The following TAFA5 variants were observed in gnomAD, a reference collection of about 807,000 sequenced individuals.
The protein encoded by TAFA5 is chemokine-like protein TAFA-5.
TAFA5 carries 6 observed loss-of-function variants against 15.3 expected under a neutral mutation model. The observed-to-expected ratio is 0.39, with a 90% CI of 0.21 to 0.77. The LOEUF is 0.77. Among genes scored for constraint, TAFA5 ranks in the 30% least tolerant of loss-of-function variants. The pLI is 0.41. For missense variants in TAFA5, 161 were observed against 193.1 expected, an observed-to-expected ratio of 0.83 and a Z score of 0.98; for synonymous variants, 103 against 80.7, an observed-to-expected ratio of 1.28 and a Z score of -1.48.
Position 48,625,481 on chromosome 22 carries a change from A to G in TAFA5, c.113-21116A>G, listed in dbSNP as rs545512793. On this transcript the variant is annotated intron_variant, in intron 1 of 3. Coordinates refer to ENST00000402357, the MANE Select transcript of TAFA5 (RefSeq NM_001082967.3). ...AAGTATCCGCGTATAGCACTATCGC[A>G]ATCATGAGTCTGTCCTACGGGAAGC... Among the ~76,000 whole-genome samples, 3 of 152,376 alleles carry G rather than the reference A, an allele frequency of 2.0e-5. No homozygotes were observed. In the South Asian group the frequency reaches 6.2e-4, roughly 32 times the overall value.
chr22:48,581,647 T>G (rs1240206773), intron 1 of TAFA5, among the ~76,000 whole-genome samples: 1 of 152,138 alleles, frequency 6.6e-6, no homozygotes, highest in African/African-American at 2.4e-5. Flanking sequence ...GGGGGCAACC[T>G]TCTTGGAAGG....
intron 1 of TAFA5, among the ~76,000 whole-genome samples, chr22:48,586,401 A>G (rs1488364984): frequency 6.6e-6 from 1 of 152,234 alleles, no homozygotes; most frequent in Non-Finnish European, 1.5e-5. Context: ...GCAGCATGAT[A>G]CCAGGCTAGT....
At chr22:48,747,114 C>G (rs559661464) in intron 3 of TAFA5, among the ~76,000 whole-genome samples, 6 of 152,202 alleles carry the variant, frequency 3.9e-5, no homozygotes, top group Non-Finnish European at 4.4e-5. Flanking sequence ...CCATTCCCGC[C>G]CGGCCCTGCC....
intron 2 of TAFA5, among the ~76,000 whole-genome samples, chr22:48,691,109 C>T (rs1284313000): frequency 6.6e-6 from 1 of 152,188 alleles, no homozygotes. Flanking sequence ...CCGGTGAAGT[C>T]CCTCCATACC....
intron 1 of TAFA5, among the ~76,000 whole-genome samples, chr22:48,634,030 T>C (rs1926343646): frequency 6.6e-6 from 1 of 151,720 alleles, no homozygotes; most frequent in African/African-American, 2.4e-5. Flanking sequence ...CTGCCCCCAC[T>C]GCCCTCAGCT....
chr22:48,744,191 G>T (rs1387053434), intron 3 of TAFA5, among the ~76,000 whole-genome samples: 1 of 152,116 alleles, frequency 6.6e-6, no homozygotes, highest in Non-Finnish European at 1.5e-5. Context: ...CTGGCTCCAT[G>T]ATGGCCCTTA....
chr22:48,688,844 T>C (rs534888122), intron 2 of TAFA5, among the ~76,000 whole-genome samples: 1 of 152,014 alleles, frequency 6.6e-6, no homozygotes, highest in African/African-American at 2.4e-5. Context: ...TATAAAAAAC[T>C]AGCCAGGTGT....
intron 2 of TAFA5, among the ~76,000 whole-genome samples, chr22:48,653,913 G>T (rs1467277887): frequency 1.3e-5 from 2 of 151,978 alleles, no homozygotes; most frequent in Non-Finnish European, 2.9e-5. Context: ...GATTTTTGAG[G>T]TGCTGTGGGG....
intron 3 of TAFA5, among the ~76,000 whole-genome samples, chr22:48,709,565 G>A (rs1785580922): frequency 6.6e-6 from 1 of 152,198 alleles, no homozygotes; most frequent in Admixed American, 6.5e-5. Context: ...TGGGAGGGAT[G>A]GGTGTGAAAG....
At chr22:48,688,394 C>CT (rs1928431194) in intron 2 of TAFA5, among the ~76,000 whole-genome samples, 2 of 152,268 alleles carry the variant, frequency 1.3e-5, no homozygotes, top group Admixed American at 1.3e-4. Flanking sequence ...GCAGATTTTT[C>CT]TTTTTTGAGT....
At chr22:48,535,396 A>G (rs541112725) in intron 1 of TAFA5, among the ~76,000 whole-genome samples, 1 of 152,380 alleles carries the variant, frequency 6.6e-6, no homozygotes, top group African/African-American at 2.4e-5. Context: ...GTCTGACTTC[A>G]GTATTACACG....
chr22:48,710,996 A>C (rs2147253735), intron 3 of TAFA5, among the ~76,000 whole-genome samples: 1 of 152,156 alleles, frequency 6.6e-6, no homozygotes, highest in Non-Finnish European at 1.5e-5. Context: ...GTGAGACCCC[A>C]AGTGGCTTTC....
At chr22:48,642,087 G>C (rs1033846376) in intron 1 of TAFA5, among the ~76,000 whole-genome samples, 14 of 151,818 alleles carry the variant, frequency 9.2e-5, no homozygotes, top group Middle Eastern at 3.2e-3. Flanking sequence ...CTTTTCTGAG[G>C]GGGGCAGCCT....
At chr22:48,584,199 C>T (rs1924232043) in intron 1 of TAFA5, among the ~76,000 whole-genome samples, 1 of 149,784 alleles carries the variant, frequency 6.7e-6, no homozygotes, top group East Asian at 2.0e-4. Flanking sequence ...ACACAAAATA[C>T]ACAACACACA....
chr22:48,583,036 C>G (rs1276492333), intron 1 of TAFA5, among the ~76,000 whole-genome samples: 1 of 148,054 alleles, frequency 6.8e-6, no homozygotes, highest in Non-Finnish European at 1.5e-5. Context: ...ATGCAAAATA[C>G]ACCACACACA....
chr22:48,548,759 A>C (rs1196564372), intron 1 of TAFA5, among the ~76,000 whole-genome samples: 1 of 152,240 alleles, frequency 6.6e-6, no homozygotes, highest in Non-Finnish European at 1.5e-5. Context: ...CGCAGGTGAG[A>C]GCGTGCATGA....
At chr22:48,747,820 G>A (rs763227258) in intron 3 of TAFA5, among the ~76,000 whole-genome samples, 1 of 151,348 alleles carries the variant, frequency 6.6e-6, no homozygotes, top group South Asian at 2.1e-4. Context: ...TCACTTGAAC[G>A]GGGGAGGCAG....
chr22:48,517,607 G>A (rs1401071336), intron 1 of TAFA5, among the ~76,000 whole-genome samples: 2 of 152,158 alleles, frequency 1.3e-5, no homozygotes, highest in African/African-American at 2.4e-5. Context: ...ACGGGCATCC[G>A]GGTTCTGATA....
intron 2 of TAFA5, among the ~76,000 whole-genome samples, chr22:48,685,966 TACACGCAGGCCCCACGTGC>T (rs1569078608): frequency 2.4e-4 from 33 of 134,760 alleles, no homozygotes; most frequent in African/African-American, 1.2e-3. Flanking sequence ...GCCCCGGGAG[TACACGCAGGCCCCACGTGC>T]GCCCCGGGAG....
Sources: allele counts gnomAD v4.1 joint callset (sites outside exome capture counted in the v4.1 genomes callset), GRCh38; gene constraint gnomAD v4.1.1; transcripts MANE v1.5; gene names NCBI Gene and HGNC (gene_info 2026-07-23, HGNC 2026-07-21).